RNF180: variants seen among roughly 807,000 people sequenced by gnomAD.
RNF180 encodes ring finger protein 180, also known as E3 ubiquitin-protein ligase RNF180.
RNF180 carries 38 observed loss-of-function variants against 59.2 expected under a neutral mutation model. The observed-to-expected ratio is 0.64, with a 90% CI of 0.50 to 0.84. The LOEUF is 0.84. RNF180 is among the 40% of genes least tolerant of loss of function. The pLI is 0.00. For missense variants in RNF180, 705 were observed against 700.9 expected, an observed-to-expected ratio of 1.01 and a Z score of -0.07; for synonymous variants, 262 against 240.3, an observed-to-expected ratio of 1.09 and a Z score of -0.84.
intron 7 of RNF180, among the ~76,000 whole-genome samples, chr5:64,336,874 T>C (rs1392341818): frequency 6.6e-6 from 1 of 152,154 alleles, no homozygotes; most frequent in Non-Finnish European, 1.5e-5. Flanking sequence ...CCATGGTATC[T>C]TTCATTGTAA....
At chr5:64,223,440 C>A (rs1461969193) in intron 5 of RNF180, among the ~76,000 whole-genome samples, 1 of 152,178 alleles carries the variant, frequency 6.6e-6, no homozygotes, top group African/African-American at 2.4e-5. Context: ...ATTCTGCCTG[C>A]CTCACCTTTC....
In RNF180 at chr5:64,225,213, G is replaced by C. The variant is rs2112167606; in HGVS notation, c.1227+7817G>C. The stretch of plus-strand genomic sequence containing the variant: ...TAGCTGTGTTTGATGAATAGAACTA[G>C]GTGATGGCTTCAGCTCTTTTGGCCT... On this transcript the variant is annotated intron_variant, in intron 5 of 7. Coordinates refer to ENST00000389100, the MANE Select transcript of RNF180 (RefSeq NM_001113561.2). Among the ~76,000 whole-genome samples the C allele has an allele frequency of 2.6e-5, 4 of 152,358 alleles. No homozygotes were observed. The South Asian group carries it at 8.3e-4, about 32-fold the overall frequency.
chr5:64,219,810 C>T (rs921846715), intron 5 of RNF180, among the ~76,000 whole-genome samples: 1 of 152,042 alleles, frequency 6.6e-6, no homozygotes, highest in Admixed American at 6.6e-5. Context: ...TGAGCCACCG[C>T]GCCTGGCCGA....
At position 64,369,209 on chromosome 5, in the gene RNF180, G is replaced by A. The variant is rs994208405; in HGVS notation, c.1580-406G>A. Among the ~76,000 whole-genome samples, 25 of 151,946 alleles carry A rather than the reference G, an allele frequency of 1.6e-4. No individual in the cohort carries two copies. The Middle Eastern group carries it at 0.01, about 62-fold the overall frequency. ...ATCATTCTCAGTAAACTCTCGCAAG[G>A]ACAAAAAACCAAACACCGCATGTTC... On this transcript the variant is annotated intron_variant, in intron 7 of 7. Transcript: ENST00000389100.
intron 7 of RNF180, among the ~76,000 whole-genome samples, chr5:64,367,052 A>T (rs1448793412): frequency 1.3e-5 from 2 of 151,582 alleles, no homozygotes; most frequent in African/African-American, 4.8e-5. Context: ...CAGGCCAGAG[A>T]ATAGAATGAC....
At chr5:64,253,627 C>G (rs1743730368) in intron 5 of RNF180, among the ~76,000 whole-genome samples, 1 of 151,996 alleles carries the variant, frequency 6.6e-6, no homozygotes, top group African/African-American at 2.4e-5. Context: ...CTGTTAAAGA[C>G]AATAGAGTCT....
intron 5 of RNF180, 125 bp from the exon 6 acceptor site, chr5:64,325,061 C>T (rs1744566176): frequency 3.2e-6 from 2 of 620,462 alleles, no homozygotes; most frequent in South Asian, 2.1e-5. Flanking sequence ...ATTTCTGGCA[C>T]TTTGAATATG....
intron 7 of RNF180, among the ~76,000 whole-genome samples, chr5:64,369,171 G>T (rs144414922): frequency 7.2e-5 from 11 of 152,104 alleles, no homozygotes; most frequent in African/African-American, 2.6e-4. Flanking sequence ...GGACATGGAT[G>T]AAATAGGAAA....
chr5:64,343,970 A>C (rs894223313), intron 7 of RNF180, among the ~76,000 whole-genome samples: 1 of 151,648 alleles, frequency 6.6e-6, no homozygotes, highest in Non-Finnish European at 1.5e-5. Context: ...CCAAAACTGA[A>C]GACAGACATC....
intron 7 of RNF180, among the ~76,000 whole-genome samples, chr5:64,353,810 T>C (rs1295611516): frequency 6.6e-6 from 1 of 151,468 alleles, no homozygotes; most frequent in African/African-American, 2.4e-5. Context: ...GAAATCCATA[T>C]AGAAAGAAAA....
At chr5:64,222,229 T>C (rs1741381376) in intron 5 of RNF180, among the ~76,000 whole-genome samples, 1 of 152,176 alleles carries the variant, frequency 6.6e-6, no homozygotes, top group Non-Finnish European at 1.5e-5. Context: ...AAAACTACTG[T>C]ATTTGATGAT....
intron 5 of RNF180, among the ~76,000 whole-genome samples, chr5:64,309,696 T>A (rs537855170): frequency 6.6e-6 from 1 of 151,672 alleles, no homozygotes; most frequent in East Asian, 1.9e-4. Context: ...ATAATCTATC[T>A]GATTTATACC....
intron 7 of RNF180, among the ~76,000 whole-genome samples, chr5:64,350,498 A>C (rs1745755534): frequency 6.6e-6 from 1 of 151,980 alleles, no homozygotes; most frequent in South Asian, 2.1e-4. Flanking sequence ...CTATGTCCTG[A>C]ATTGTATTGC....
At chr5:64,188,059 A>G (rs1442394416) in intron 1 of RNF180, among the ~76,000 whole-genome samples, 1 of 152,176 alleles carries the variant, frequency 6.6e-6, no homozygotes, top group Non-Finnish European at 1.5e-5. Context: ...AGAAGATTCA[A>G]TATCAGTAGG....
intron 1 of RNF180, among the ~76,000 whole-genome samples, chr5:64,198,534 A>G (rs990474796): frequency 1.3e-5 from 2 of 152,078 alleles, no homozygotes; most frequent in Admixed American, 6.5e-5. Context: ...TTTTTTTCCT[A>G]CTACATAGTT....
intron 5 of RNF180, among the ~76,000 whole-genome samples, chr5:64,314,684 G>C (rs1206619191): frequency 6.6e-6 from 1 of 152,076 alleles, no homozygotes. Flanking sequence ...ATTGCATGTT[G>C]TATAACTACT....
chr5:64,272,264 A>C (rs1741452850), intron 5 of RNF180, among the ~76,000 whole-genome samples: 1 of 152,206 alleles, frequency 6.6e-6, no homozygotes, highest in East Asian at 1.9e-4. Context: ...AAGGCTTTCC[A>C]AATTGAAAAA....
chr5:64,330,828 A>T (rs902799761), intron 7 of RNF180, among the ~76,000 whole-genome samples: 30 of 152,214 alleles, frequency 2.0e-4, no homozygotes, highest in Non-Finnish European at 3.2e-4. Flanking sequence ...AACAGGTGGG[A>T]GCCCTGCCCC....
intron 7 of RNF180, among the ~76,000 whole-genome samples, chr5:64,352,958 A>C (rs985334551): frequency 6.6e-6 from 1 of 151,894 alleles, no homozygotes; most frequent in African/African-American, 2.4e-5. Context: ...GGGGGAACAT[A>C]TCTATCCTAA....
Sources: allele counts gnomAD v4.1 joint callset (sites outside exome capture counted in the v4.1 genomes callset), GRCh38; gene constraint gnomAD v4.1.1; transcripts MANE v1.5; gene names NCBI Gene and HGNC (gene_info 2026-07-23, HGNC 2026-07-21).